The following NRG3 variants were observed in gnomAD, a reference collection of about 807,000 sequenced individuals.
The protein encoded by NRG3 is pro-neuregulin-3, membrane-bound isoform.
NRG3 carries 31 observed loss-of-function variants against 66.9 expected under a neutral mutation model. The ratio of observed to expected loss-of-function variants is 0.46; its 90% CI spans 0.35 to 0.63. The LOEUF is 0.63. NRG3 is among the 20% of genes least tolerant of loss of function. The probability of loss-of-function intolerance (pLI) is 0.00; values close to 1 mark genes in which losing one functional copy is unlikely to be tolerated. For synonymous variants in NRG3, 393 were observed against 359.4 expected, an observed-to-expected ratio of 1.09 and a Z score of -1.06; for missense variants, 910 against 878.9, an observed-to-expected ratio of 1.04 and a Z score of -0.45.
chr10:82,140,925 G>C (rs951342525), intron 1 of NRG3, among the ~76,000 whole-genome samples: 1 of 151,664 alleles, frequency 6.6e-6, no homozygotes, highest in African/African-American at 2.4e-5. Context: ...ATTTTCTTTG[G>C]GTGTACATGA....
At chr10:82,858,463 G>C (rs1465732314) in intron 3 of NRG3, among the ~76,000 whole-genome samples, 1 of 152,138 alleles carries the variant, frequency 6.6e-6, no homozygotes, top group Admixed American at 6.5e-5. Flanking sequence ...TGATACCTGA[G>C]ACAATTATAT....
chr10:82,151,589 C>T (rs1015975126), intron 1 of NRG3, among the ~76,000 whole-genome samples: 1 of 152,144 alleles, frequency 6.6e-6, no homozygotes, highest in African/African-American at 2.4e-5. Context: ...TCCCATCTCA[C>T]TTAGTCGTCT....
At chr10:82,953,969 A>AG (rs1170313075) in intron 5 of NRG3, among the ~76,000 whole-genome samples, 2 of 151,294 alleles carry the variant, frequency 1.3e-5, no homozygotes, top group African/African-American at 4.9e-5. Context: ...AAAAAAAAAA[A>AG]ACAATGCAAT....
At chr10:82,130,116 G>T (rs2068715959) in intron 1 of NRG3, among the ~76,000 whole-genome samples, 1 of 151,426 alleles carries the variant, frequency 6.6e-6, no homozygotes, top group African/African-American at 2.4e-5. Context: ...GTCTTTCTGT[G>T]CTCCACTGTG....
chr10:82,069,966 G>T (rs1225828752), intron 1 of NRG3, among the ~76,000 whole-genome samples: 1 of 152,176 alleles, frequency 6.6e-6, no homozygotes, highest in Non-Finnish European at 1.5e-5. Context: ...ATGCTTCAGA[G>T]ATTTTTCTAC....
intron 2 of NRG3, among the ~76,000 whole-genome samples, chr10:82,392,442 G>A (rs1433287317): frequency 6.6e-6 from 1 of 152,122 alleles, no homozygotes; most frequent in African/African-American, 2.4e-5. Context: ...ACTAATAAAT[G>A]CCAAAAGGTA....
intron 1 of NRG3, among the ~76,000 whole-genome samples, chr10:81,929,586 T>A (rs561454618): frequency 9.9e-5 from 15 of 152,208 alleles, no homozygotes; most frequent in Admixed American, 2.6e-4. Context: ...AGGCTTCTCT[T>A]TCCCAAGTTT....
intron 2 of NRG3, among the ~76,000 whole-genome samples, chr10:82,525,366 A>G (rs931026937): frequency 2.0e-5 from 3 of 151,908 alleles, no homozygotes; most frequent in African/African-American, 7.2e-5. Context: ...CCAAAACTTG[A>G]GAGTTTAACA....
At chr10:82,857,278 A>G (rs772821147) in intron 3 of NRG3, among the ~76,000 whole-genome samples, 5 of 152,236 alleles carry the variant, frequency 3.3e-5, no homozygotes, top group Non-Finnish European at 5.9e-5. Flanking sequence ...TGTTTAGAGA[A>G]TGATAAGAGA....
chr10:82,199,874 A>ATGTGTG (rs939606710), intron 1 of NRG3, among the ~76,000 whole-genome samples: 1 of 149,582 alleles, frequency 6.7e-6, no homozygotes, highest in Non-Finnish European at 1.5e-5. Context: ...GAGAGTGTGC[A>ATGTGTG]TGTGTGTGTG....
intron 2 of NRG3, among the ~76,000 whole-genome samples, chr10:82,629,910 CT>C (rs953524825): frequency 1.3e-5 from 2 of 152,054 alleles, no homozygotes; most frequent in South Asian, 2.1e-4. Context: ...CTTTTTTCTC[CT>C]CTTTGTGTAT....
chr10:82,177,270 A>G (rs1008011266), intron 1 of NRG3, among the ~76,000 whole-genome samples: 2 of 152,074 alleles, frequency 1.3e-5, no homozygotes, highest in African/African-American at 4.8e-5. Context: ...TAATCTAAGG[A>G]GAAACTAAAA....
In NRG3 at chr10:82,562,832, G is replaced by A. The variant is rs138511110; in HGVS notation, c.954-175745G>A. ...GGGCAAGGGACACAGAGTGGGTGGG[G>A]AGGGGACACAGAGTGGGTGGGGAGG... On this transcript the variant is annotated intron_variant, in intron 2 of 8. Transcript: ENST00000372141. 6.7e-3 allele frequency among the ~76,000 whole-genome samples: 1,022 copies of A among 151,556 alleles called. 8 individuals carry two copies. Among genetic ancestry groups the A allele is most frequent in the Middle Eastern group, 0.052 (15 of 288 alleles).
intron 2 of NRG3, among the ~76,000 whole-genome samples, chr10:82,365,957 G>T (rs2084495301): frequency 6.6e-6 from 1 of 152,060 alleles, no homozygotes; most frequent in Non-Finnish European, 1.5e-5. Context: ...TTATGACTTG[G>T]GTTTGCTTTT....
intron 2 of NRG3, among the ~76,000 whole-genome samples, chr10:82,727,294 C>A (rs1433908249): frequency 6.6e-6 from 1 of 151,336 alleles, no homozygotes; most frequent in East Asian, 2.0e-4. Context: ...ATCTTCACGG[C>A]AGCCCCTCCC....
intron 4 of NRG3, among the ~76,000 whole-genome samples, chr10:82,917,056 A>G (rs1845906682): frequency 6.6e-6 from 1 of 152,208 alleles, no homozygotes; most frequent in Admixed American, 6.5e-5. Flanking sequence ...ATTTCTACAC[A>G]GTGGTGGTGC....
At chr10:81,955,458 G>GC (rs1353649627) in intron 1 of NRG3, among the ~76,000 whole-genome samples, 1 of 152,016 alleles carries the variant, frequency 6.6e-6, no homozygotes, top group African/African-American at 2.4e-5. Flanking sequence ...GCATTTCATA[G>GC]CCTTGTCAAT....
intron 2 of NRG3, among the ~76,000 whole-genome samples, chr10:82,416,099 A>G (rs183229458): frequency 6.6e-6 from 1 of 152,198 alleles, no homozygotes; most frequent in Non-Finnish European, 1.5e-5. Flanking sequence ...AGTATACCAC[A>G]TCAGCTGTTG....
chr10:81,946,468 T>C (rs1011776115), intron 1 of NRG3, among the ~76,000 whole-genome samples: 2 of 152,178 alleles, frequency 1.3e-5, no homozygotes, highest in Non-Finnish European at 2.9e-5. Flanking sequence ...TATATTTGTA[T>C]GTTTATATTA....
Sources: allele counts gnomAD v4.1 joint callset (sites outside exome capture counted in the v4.1 genomes callset), GRCh38; gene constraint gnomAD v4.1.1; transcripts MANE v1.5; gene names NCBI Gene and HGNC (gene_info 2026-07-23, HGNC 2026-07-21).